SH3PXD2A: variants seen among roughly 807,000 people sequenced by gnomAD.
The protein encoded by SH3PXD2A is SH3 and PX domain-containing protein 2A.
Under a neutral mutation model 115.2 loss-of-function variants are expected in SH3PXD2A, and 32 were observed. The ratio of observed to expected loss-of-function variants is 0.28; its 90% CI spans 0.21 to 0.37. SH3PXD2A has a LOEUF of 0.37. SH3PXD2A is among the 10% of genes least tolerant of loss of function. The probability of loss-of-function intolerance (pLI) is 1.00; values close to 1 mark genes in which losing one functional copy is unlikely to be tolerated. For synonymous variants in SH3PXD2A, 610 were observed against 629.1 expected, an observed-to-expected ratio of 0.97 and a Z score of 0.45; for missense variants, 1,328 against 1,498.7, an observed-to-expected ratio of 0.89 and a Z score of 1.88.
At chr10:103,630,015 TC>T (rs1162024859) in intron 8 of SH3PXD2A, among the ~76,000 whole-genome samples, 3 of 152,210 alleles carry the variant, frequency 2.0e-5, no homozygotes, top group Admixed American at 1.3e-4. Context: ...GCATGTCAAT[TC>T]CCCTGCCTTT....
Position 103,602,269 on chromosome 10 carries a change from A to C in SH3PXD2A, c.2949T>G (p.Phe983Leu), listed in dbSNP as rs915654185. The C allele has an allele frequency of 3.1e-6, 5 of 1,612,676 alleles. No homozygotes were observed. The African/African-American group carries it at 6.7e-5, about 22-fold the overall frequency. Residue 983 changes from phenylalanine to leucine, a missense_variant, in exon 15 of 15, where the codon TTT becomes TTG. By Grantham distance (22) the Phe-to-Leu change is conservative (BLOSUM62 0). Coordinates refer to ENST00000369774, the MANE Select transcript of SH3PXD2A (RefSeq NM_001394015.1). ...RQVAVRPQSV[F>L]VSPPPKDNNL... ...TGTTGTCCTTGGGTGGCGGGGACAC[A>C]AACACCGACTGGGGCCTGACCGCCA...
chr10:103,708,955 C>T (rs988436193), intron 5 of SH3PXD2A, among the ~76,000 whole-genome samples: 3 of 151,850 alleles, frequency 2.0e-5, no homozygotes, highest in African/African-American at 7.3e-5. Context: ...GGTGCCCTCT[C>T]CTGCTTGGGG....
intron 1 of SH3PXD2A, among the ~76,000 whole-genome samples, 180 bp from the exon 2 acceptor site, chr10:103,801,542 T>TACACACACAC (rs148335179): frequency 0.11 from 16,106 of 142,842 alleles, 1,039 homozygotes; most frequent in South Asian, 0.16. Flanking sequence ...TATGTCTAAA[T>TACACACACAC]ACACACACAC....
intron 6 of SH3PXD2A, among the ~76,000 whole-genome samples, chr10:103,687,577 C>A (rs2037694835): frequency 6.6e-6 from 1 of 152,150 alleles, no homozygotes; most frequent in East Asian, 1.9e-4. Flanking sequence ...GCTGCCAGAG[C>A]CCACATCCTA....
At chr10:103,808,603 C>T (rs148035714) in intron 1 of SH3PXD2A, among the ~76,000 whole-genome samples, 10 of 152,272 alleles carry the variant, frequency 6.6e-5, no homozygotes, top group South Asian at 4.1e-4. Context: ...CCCAGACTTC[C>T]GACATCTGAT....
At chr10:103,842,570 G>A (rs529304819) in intron 1 of SH3PXD2A, among the ~76,000 whole-genome samples, 53 of 152,224 alleles carry the variant, frequency 3.5e-4, no homozygotes, top group Admixed American at 8.5e-4. Flanking sequence ...TCTGGTAGCC[G>A]CCATTCTACT....
At chr10:103,832,045 C>G (rs1394128153) in intron 1 of SH3PXD2A, among the ~76,000 whole-genome samples, 1 of 152,122 alleles carries the variant, frequency 6.6e-6, no homozygotes, top group Non-Finnish European at 1.5e-5. Flanking sequence ...ATTTAATTGC[C>G]ACTGCCGGAC....
intron 8 of SH3PXD2A, among the ~76,000 whole-genome samples, chr10:103,660,060 G>T (rs2037268695): frequency 6.6e-6 from 1 of 152,140 alleles, no homozygotes; most frequent in African/African-American, 2.4e-5. Flanking sequence ...GAGGAGAACA[G>T]GCTCCTCCCC....
At chr10:103,769,844 A>C (rs886419298) in intron 2 of SH3PXD2A, among the ~76,000 whole-genome samples, 2 of 152,162 alleles carry the variant, frequency 1.3e-5, no homozygotes, top group Admixed American at 1.3e-4. Flanking sequence ...TTTCTTTCCT[A>C]TACCTTAATG....
At chr10:103,843,309 C>T (rs2039618014) in intron 1 of SH3PXD2A, among the ~76,000 whole-genome samples, 1 of 152,214 alleles carries the variant, frequency 6.6e-6, no homozygotes, top group South Asian at 2.1e-4. Flanking sequence ...CAACTGCTGG[C>T]ACCCAAGTCC....
chr10:103,663,260 T>TG (rs1213119174), intron 7 of SH3PXD2A, among the ~76,000 whole-genome samples: 11 of 152,188 alleles, frequency 7.2e-5, no homozygotes, highest in Admixed American at 7.2e-4. Context: ...ACTTGGCAAA[T>TG]GTGATGTGCC....
At chr10:103,828,918 C>T (rs1334985522) in intron 1 of SH3PXD2A, among the ~76,000 whole-genome samples, 2 of 152,176 alleles carry the variant, frequency 1.3e-5, no homozygotes, top group African/African-American at 2.4e-5. Context: ...GCGATTTCTG[C>T]AGCTGCATCT....
intron 6 of SH3PXD2A, among the ~76,000 whole-genome samples, chr10:103,687,314 C>T (rs563630069): frequency 3.0e-4 from 46 of 152,308 alleles, no homozygotes; most frequent in Admixed American, 1.0e-3. Flanking sequence ...CACTACATCG[C>T]TTAATATATA....
chr10:103,615,489 T>A (rs1485207967), intron 11 of SH3PXD2A, among the ~76,000 whole-genome samples: 1 of 56,934 alleles, frequency 1.8e-5, no homozygotes, highest in Non-Finnish European at 3.7e-5. Context: ...CGAGGGTGTG[T>A]GTGTGTGTGT....
At chr10:103,839,575 C>T (rs1251511328) in intron 1 of SH3PXD2A, among the ~76,000 whole-genome samples, 3 of 151,474 alleles carry the variant, frequency 2.0e-5, no homozygotes, top group African/African-American at 7.3e-5. Context: ...TCCCCCAAGG[C>T]CACACAGCCC....
At position 103,595,311 on chromosome 10, in the gene SH3PXD2A, C is replaced by G. The variant is rs992956534; in HGVS notation, c.*6505G>C. The G allele has an allele frequency of 3.3e-5, 5 of 152,196 alleles. No homozygotes were observed. The highest frequency in any genetic ancestry group is 9.7e-5 in the African/African-American group (4 of 41,444). 9.4% of individuals were successfully genotyped at this position (152,196 alleles called of 1,614,324 possible). A position where few individuals can be genotyped will look rare whatever the true frequency, so the allele number is the denominator to read the frequency against. ...TCACTAAATTCCCTTTCTACCTGCT[C>G]TCTTCTTCCTGAAACACTCAGAGCT... On this transcript the variant is annotated 3_prime_UTR_variant, in exon 15 of 15. Transcript: ENST00000369774.
chr10:103,602,841 TGAGCCCTC>T lies in SH3PXD2A; in HGVS notation c.2369_2376del (p.Gly790GlufsTer6). 6.2e-7 allele frequency: 1 copy of T among 1,614,128 alleles called. No individual in the cohort carries two copies. The highest frequency in any genetic ancestry group is 2.2e-5 in the East Asian group (1 of 44,858). On this transcript the variant is annotated frameshift_variant, in exon 15 of 15. Coordinates refer to ENST00000369774, the MANE Select transcript of SH3PXD2A (RefSeq NM_001394015.1). LOFTEE classifies it high-confidence loss of function. Reference sequence around the variant, plus strand: ...TCCGAATCCTCACTCTTGGAGCCCTTGAGCCCTCCACGGAGCTGGCCTGTGGGTCTCAG... The same window carrying T: ...TCCGAATCCTCACTCTTGGAGCCCTTCACGGAGCTGGCCTGTGGGTCTCAG...
In SH3PXD2A at chr10:103,602,605, C is replaced by T; in HGVS notation, c.2613G>A (p.Glu871=). 1.9e-6 allele frequency: 3 copies of T among 1,614,188 alleles called. No individual in the cohort carries two copies. Among genetic ancestry groups the T allele is most frequent in the Non-Finnish European group, 2.5e-6 (3 of 1,180,040 alleles). Residue 871 remains glutamate (E), a synonymous_variant, in exon 15 of 15, where the codon GAG becomes GAA. Coordinates refer to ENST00000369774, the MANE Select transcript of SH3PXD2A (RefSeq NM_001394015.1). ...FPAGVEVQVL[E]KQESGWWYVR... ...CATACCACCACCCGCTCTCCTGCTT[C>T]TCCAGCACCTGCACCTCCACGCCCG... is the stretch of plus-strand genomic sequence containing the variant.
intron 1 of SH3PXD2A, among the ~76,000 whole-genome samples, chr10:103,817,497 C>T (rs1448191055): frequency 6.6e-6 from 1 of 152,174 alleles, no homozygotes; most frequent in Non-Finnish European, 1.5e-5. Flanking sequence ...TGCACCACCA[C>T]ACCTGGCTAA....
Sources: gnomAD v4.1 joint callset for allele counts (sites outside exome capture counted in the v4.1 genomes callset) on GRCh38, gnomAD v4.1.1 for gene constraint, MANE v1.5 for transcripts, NCBI Gene and HGNC (gene_info 2026-07-23, HGNC 2026-07-21) for gene names.